The following MMEL1 variants were observed in gnomAD, a reference collection of about 807,000 sequenced individuals.
The protein encoded by MMEL1 is membrane metalloendopeptidase like 1.
Under a neutral mutation model 117.1 loss-of-function variants are expected in MMEL1, and 98 were observed. That is an observed-to-expected ratio of 0.84 (90% CI 0.71 to 0.99). The LOEUF (loss-of-function observed/expected upper bound fraction) is 0.99. Ranked by LOEUF, MMEL1 falls within the 50% of genes least tolerant of loss-of-function variation. The pLI is 0.00. For synonymous variants in MMEL1, 390 were observed against 415.1 expected (o/e 0.94, Z 0.74); for missense variants, 1,014 against 1,049.1 (o/e 0.97, Z 0.46).
intron 1 of MMEL1, among the ~76,000 whole-genome samples, chr1:2,630,717 G>A (rs532997433): frequency 1.4e-5 from 2 of 147,984 alleles, no homozygotes; most frequent in Admixed American, 6.7e-5. Flanking sequence ...GTGTGTGACT[G>A]TGTGATTGTG....
At chr1:2,632,733 A>G (rs1047887754) in intron 1 of MMEL1, 133 bp downstream of exon 1, 1 of 424,948 alleles carries the variant, frequency 2.4e-6, no homozygotes, top group African/African-American at 2.2e-5. Flanking sequence ...GAGACTGCAC[A>G]CAGGACGCCC....
intron 14 of MMEL1, 132 bp from the exon 15 acceptor site, chr1:2,596,239 A>C: frequency 4.8e-6 from 4 of 840,188 alleles, no homozygotes; most frequent in Non-Finnish European, 7.7e-6. Flanking sequence ...TGGGCCTCTC[A>C]GGTGAGGTGT....
At chr1:2,625,569 G>T (rs1638236429) in intron 2 of MMEL1, among the ~76,000 whole-genome samples, 1 of 152,212 alleles carries the variant, frequency 6.6e-6, no homozygotes, top group Non-Finnish European at 1.5e-5. Context: ...GGATTTTGGA[G>T]CGGGGCCCTG....
intron 1 of MMEL1, among the ~76,000 whole-genome samples, chr1:2,632,296 G>A (rs2100974614): frequency 6.6e-6 from 1 of 152,290 alleles, no homozygotes; most frequent in East Asian, 1.9e-4. Flanking sequence ...CCACGGGCAG[G>A]GGCACCCTCT....
intron 1 of MMEL1, among the ~76,000 whole-genome samples, chr1:2,631,960 C>T (rs143876976): frequency 5.9e-5 from 9 of 152,338 alleles, no homozygotes; most frequent in Admixed American, 2.6e-4. Flanking sequence ...GCCGTCACTC[C>T]CTGGCCCCTG....
chr1:2,606,910 G>A (rs10797436), intron 7 of MMEL1, 64 bp downstream of exon 7: 525,057 of 1,469,874 alleles, frequency 0.36, 97,228 homozygotes, highest in African/African-American at 0.51. Context: ...GCCTCAGACC[G>A]AAGGAGCCCT....
rs538869030 is a variant in MMEL1, at chr1:2,621,860, C to A, written c.154+7471G>T. 5.9e-5 allele frequency among the ~76,000 whole-genome samples: 9 copies of A among 152,288 alleles called. No homozygotes were observed. In the South Asian group the frequency reaches 6.2e-4, roughly 11 times the overall value. On this transcript the variant is annotated intron_variant, in intron 2 of 23. Coordinates refer to ENST00000378412, the MANE Select transcript of MMEL1 (RefSeq NM_033467.4). ...TACAGGTGTGAGCCACTGTGCCCAG[C>A]CATATCTTACATGTATTGATTGATG...
chr1:2,594,276 G>T (rs1644794541), intron 18 of MMEL1, 109 bp downstream of exon 18: 2 of 1,209,114 alleles, frequency 1.7e-6, no homozygotes, highest in Admixed American at 2.0e-5. Flanking sequence ...AATGTTCCAA[G>T]AACAGGCTGG....
In MMEL1 at chr1:2,591,019, G is replaced by A. The variant is rs374880430; in HGVS notation, c.2311C>T (p.His771Tyr). Residue 771 changes from histidine to tyrosine, a missense_variant, in exon 24 of 24, where the codon CAC (histidine) becomes TAC (tyrosine). Physicochemically the swap from His to Tyr is moderately conservative, Grantham distance 83. Coordinates refer to ENST00000378412, the MANE Select transcript of MMEL1 (RefSeq NM_033467.4). Reference sequence around the variant, plus strand: ...CACACGCGGCATCGCTCCTTGGGGTGCATGGGGGTGCCCCGGGCACAGTGG... The same window carrying A: ...CACACGCGGCATCGCTCCTTGGGGTACATGGGGGTGCCCCGGGCACAGTGG... ...TFHCARGTPM[H>Y]PKERCRVW The A allele has an allele frequency of 1.2e-6, 2 of 1,604,128 alleles. No individual in the cohort carries two copies. Among genetic ancestry groups the A allele is most frequent in the African/African-American group, 1.3e-5 (1 of 74,656 alleles).
chr1:2,630,661 ATG>A (rs1160176249), intron 1 of MMEL1, among the ~76,000 whole-genome samples: 3 of 120,520 alleles, frequency 2.5e-5, no homozygotes. Flanking sequence ...GTGCATGATT[ATG>A]TGTGCGGATA....
chr1:2,617,289 T>A (rs1322744666), intron 2 of MMEL1, among the ~76,000 whole-genome samples: 2 of 151,256 alleles, frequency 1.3e-5, no homozygotes, highest in Non-Finnish European at 3.0e-5. Context: ...TAGCCGGGCG[T>A]GGTGGCGGGC....
At chr1:2,593,528 G>A (rs573637540) in intron 19 of MMEL1, among the ~76,000 whole-genome samples, 2 of 152,318 alleles carry the variant, frequency 1.3e-5, no homozygotes, top group South Asian at 2.1e-4. Context: ...CAGTGTTGTC[G>A]TCCCCATGTC....
At chr1:2,605,392 A>G (rs527885222) in intron 9 of MMEL1, among the ~76,000 whole-genome samples, 166 bp downstream of exon 9, 34 of 152,096 alleles carry the variant, frequency 2.2e-4, no homozygotes, top group African/African-American at 7.7e-4. Context: ...GTGGCAAGCA[A>G]TAGGTCACGT....
At chr1:2,622,293 TG>T (rs1212574174) in intron 2 of MMEL1, among the ~76,000 whole-genome samples, 3 of 152,188 alleles carry the variant, frequency 2.0e-5, no homozygotes, top group African/African-American at 7.2e-5. Context: ...ATGAATCACC[TG>T]GGGGTCTTGC....
chr1:2,622,902 A>C (rs1334579792), intron 2 of MMEL1, among the ~76,000 whole-genome samples: 1 of 112,906 alleles, frequency 8.9e-6, no homozygotes, highest in Non-Finnish European at 1.8e-5. Flanking sequence ...AAAAAAAAAA[A>C]AGTCCAGGAG....
intron 2 of MMEL1, among the ~76,000 whole-genome samples, chr1:2,627,360 T>C (rs1638324841): frequency 1.3e-5 from 2 of 152,322 alleles, no homozygotes; most frequent in Middle Eastern, 3.4e-3. Context: ...TTTTAAGAAA[T>C]CATTTTCTTG....
intron 10 of MMEL1, 27 bp downstream of exon 10, chr1:2,604,120 G>GCAA: frequency 1.4e-5 from 19 of 1,330,046 alleles, no homozygotes; most frequent in South Asian, 2.4e-5. Context: ...CTCGCTGCCC[G>GCAA]CTCCCCACCC....
rs1471940845 is a variant in MMEL1 at position 2,609,387 on chromosome 1, G to T, written c.487C>A (p.Pro163Thr). 1.2e-6 allele frequency: 2 copies of T among 1,612,072 alleles called. No individual in the cohort carries two copies. Among genetic ancestry groups the T allele is most frequent in the Non-Finnish European group, 8.5e-7 (1 of 1,179,484 alleles). The change falls in exon 6 of 24, where the codon CCG becomes ACG. Residue 163 changes from proline to threonine, a missense_variant. Physicochemically the swap from Pro to Thr is conservative, Grantham distance 38. Coordinates refer to ENST00000378412, the MANE Select transcript of MMEL1 (RefSeq NM_033467.4). ...VLENSTAKDR[P>T]AVEKARTLYR... is the part of the protein sequence containing the mutation. ...AGCGTCCTGGCCTTCTCCACAGCCG[G>T]CCGGTCCTTGGCAGTCGAATTCTCC...
chr1:2,625,255 C>T (rs149521379), intron 2 of MMEL1, among the ~76,000 whole-genome samples: 22 of 152,322 alleles, frequency 1.4e-4, no homozygotes, highest in African/African-American at 5.3e-4. Context: ...TCCAAAGTTT[C>T]ATCTGAGACA....
Sources: allele counts gnomAD v4.1 joint callset (sites outside exome capture counted in the v4.1 genomes callset), GRCh38; gene constraint gnomAD v4.1.1; transcripts MANE v1.5; gene names NCBI Gene and HGNC (gene_info 2026-07-23, HGNC 2026-07-21).